Variants in TMBIM4 observed in about 807,000 individuals in gnomAD.
The protein encoded by TMBIM4 is transmembrane BAX inhibitor motif containing 4, also known as protein lifeguard 4.
A neutral mutation model predicts 27.7 loss-of-function variants in TMBIM4; 28 were observed. The observed-to-expected ratio is 1.01, with a 90% CI of 0.75 to 1.38. The LOEUF (loss-of-function observed/expected upper bound fraction) is 1.38. Among genes scored for constraint, TMBIM4 ranks in the 40% most tolerant of loss-of-function variants. TMBIM4 has a pLI of 0.00. For missense variants in TMBIM4, 265 were observed against 277.5 expected (o/e 0.95, Z 0.32); for synonymous variants, 115 against 113.1 (o/e 1.02, Z -0.11).
At chr12:66,160,444 T>TA (rs1332158539) in intron 1 of TMBIM4, 21 of 548,180 alleles carry the variant, frequency 3.8e-5, no homozygotes, top group South Asian at 1.0e-4. Context: ...TTTGAAGGAA[T>TA]AAAAAAAAGG....
intron 5 of TMBIM4, among the ~76,000 whole-genome samples, chr12:66,141,728 A>T (rs928002524): frequency 6.6e-6 from 1 of 152,206 alleles, no homozygotes; most frequent in Admixed American, 6.5e-5. Flanking sequence ...TGATATTACT[A>T]GAGCTAAAGA....
intron 2 of TMBIM4, 49 bp downstream of exon 2, chr12:66,153,291 G>A (rs767573945): frequency 9.1e-7 from 1 of 1,101,556 alleles, no homozygotes; most frequent in African/African-American, 1.6e-5. Flanking sequence ...ATGCCTTTTT[G>A]ATCATATGCA....
rs887201056 is a variant in TMBIM4 at position 66,150,223 on chromosome 12, C to CT, written c.312+2047dup. On this transcript the variant is annotated intron_variant, in intron 3 of 6. Transcript: ENST00000358230. ...GCGAAGAGGAATTCTATATGGCCGTCTTTTTTTTTATACTTCCTCTTTCCT... is the reference window on the plus strand; with the variant it reads ...GCGAAGAGGAATTCTATATGGCCGTCTTTTTTTTTTATACTTCCTCTTTCCT... Among the ~76,000 whole-genome samples the CT allele has an allele frequency of 4.6e-5, 7 of 151,344 alleles. No homozygotes were observed. The South Asian group carries it at 6.3e-4, about 14-fold the overall frequency.
At chr12:66,155,301 G>A (rs1238313695) in intron 1 of TMBIM4, among the ~76,000 whole-genome samples, 2 of 136,132 alleles carry the variant, frequency 1.5e-5, no homozygotes, top group Non-Finnish European at 3.3e-5. Flanking sequence ...GGGAATACAG[G>A]CCCACACCAG....
At chr12:66,161,145 C>T (rs1174208957) in intron 1 of TMBIM4, 1 of 152,286 alleles carries the variant, frequency 6.6e-6, no homozygotes, top group Non-Finnish European at 1.5e-5. Flanking sequence ...TTAGTAGCTT[C>T]ATGATTTGTT....
chr12:66,149,644 TAC>T (rs2051812937), intron 3 of TMBIM4, among the ~76,000 whole-genome samples: 1 of 152,012 alleles, frequency 6.6e-6, no homozygotes, highest in Non-Finnish European at 1.5e-5. Context: ...TTAAAACATA[TAC>T]ACACATGCTC....
At chr12:66,149,181 G>A (rs12230221) in intron 3 of TMBIM4, among the ~76,000 whole-genome samples, 13 of 152,082 alleles carry the variant, frequency 8.5e-5, no homozygotes, top group African/African-American at 2.4e-4. Context: ...TGGCTCAGAC[G>A]TGTAATCCCA....
Position 66,137,837 on chromosome 12 carries a change from AATC to A in TMBIM4, c.*120_*122del. ...ACAAATAAAGATTGTAACAGTATTT[AATC>A]ATTGTTTCAAACTTTATTACTTAAT... On this transcript the variant is annotated 3_prime_UTR_variant, in exon 7 of 7. Coordinates refer to ENST00000358230, the MANE Select transcript of TMBIM4 (RefSeq NM_016056.4). The A allele has an allele frequency of 1.4e-6, 1 of 695,190 alleles. No homozygotes were observed. The highest frequency in any genetic ancestry group is 1.9e-5 in the South Asian group (1 of 52,174). The allele number at this position is 695,190 out of a possible 1,614,324, so 43.1% of individuals were successfully genotyped here.
intron 4 of TMBIM4, 53 bp from the exon 5 acceptor site, chr12:66,146,011 C>G: frequency 1.0e-6 from 1 of 967,082 alleles, no homozygotes; most frequent in Non-Finnish European, 1.6e-6. Context: ...CAATACAAAA[C>G]AGCTTTTTCT....
intron 1 of TMBIM4, among the ~76,000 whole-genome samples, chr12:66,160,759 C>A (rs569720004): frequency 7.2e-5 from 11 of 152,236 alleles, no homozygotes; most frequent in African/African-American, 2.7e-4. Context: ...GGTTGCACAG[C>A]GGCCGAGCAG....
intron 1 of TMBIM4, among the ~76,000 whole-genome samples, chr12:66,156,763 C>A (rs1310847682): frequency 1.3e-5 from 2 of 152,186 alleles, no homozygotes; most frequent in Non-Finnish European, 2.9e-5. Flanking sequence ...CACTTTCCCG[C>A]TTCAGGGCCT....
chr12:66,143,682 T>G (rs1304964276), intron 5 of TMBIM4, among the ~76,000 whole-genome samples: 2 of 152,188 alleles, frequency 1.3e-5, no homozygotes, highest in Admixed American at 6.5e-5. Context: ...CTGCCACCAT[T>G]GCCTGATACT....
chr12:66,158,282 T>C (rs1046601187), intron 1 of TMBIM4, among the ~76,000 whole-genome samples: 1 of 141,430 alleles, frequency 7.1e-6, no homozygotes, highest in African/African-American at 2.6e-5. Flanking sequence ...ATCAAAAAAA[T>C]ACATAAAGAG....
chr12:66,165,217 T>G (rs529069105), intron 1 of TMBIM4, among the ~76,000 whole-genome samples: 24 of 152,182 alleles, frequency 1.6e-4, no homozygotes, highest in Non-Finnish European at 2.9e-4. Flanking sequence ...CATTCTAAAA[T>G]GTATATGGAA....
chr12:66,166,788 G>C (rs2052138456), intron 1 of TMBIM4, among the ~76,000 whole-genome samples: 1 of 152,194 alleles, frequency 6.6e-6, no homozygotes, highest in Non-Finnish European at 1.5e-5. Flanking sequence ...CAATTGTGCT[G>C]CTTGGTATTT....
At chr12:66,169,735 G>T (rs927577591) in intron 1 of TMBIM4, 120 bp downstream of exon 1, 26 of 741,212 alleles carry the variant, frequency 3.5e-5, no homozygotes, top group Admixed American at 8.0e-5. Context: ...CGGGAGCTCA[G>T]TGAGCACTCC....
chr12:66,158,532 G>A (rs1257076364), intron 1 of TMBIM4, among the ~76,000 whole-genome samples: 1 of 151,540 alleles, frequency 6.6e-6, no homozygotes, highest in African/African-American at 2.4e-5. Context: ...CCAGCTACTC[G>A]GGCTGAGGCA....
In TMBIM4 at chr12:66,147,929, C is replaced by A; in HGVS notation, c.325G>T (p.Ala109Ser). The A allele has an allele frequency of 6.2e-7, 1 of 1,611,478 alleles. No homozygotes were observed. Among genetic ancestry groups the A allele is most frequent in the Non-Finnish European group, 8.5e-7 (1 of 1,178,680 alleles). ...YLLFGFTLLEALTVAVVVTFY... is the reference protein window; with the variant it reads ...YLLFGFTLLESLTVAVVVTFY... The stretch of plus-strand genomic sequence containing the variant: ...TTACCAACAACTGCCACAGTCAGAG[C>A]TTCCAACAGCGTCTAATGAAAAGAA... The change falls in exon 4 of 7, where the codon GCT becomes TCT. Residue 109 changes from alanine (A) to serine (S), a missense_variant. Ala to Ser is a moderately conservative substitution (Grantham distance 99). Transcript: ENST00000358230.
At chr12:66,168,014 G>A (rs569943442) in intron 1 of TMBIM4, among the ~76,000 whole-genome samples, 1 of 152,238 alleles carries the variant, frequency 6.6e-6, no homozygotes, top group East Asian at 1.9e-4. Flanking sequence ...GAGTCCAGGA[G>A]TTCAAGATCG....
Sources: gnomAD v4.1 joint callset for allele counts (sites outside exome capture counted in the v4.1 genomes callset) on GRCh38, gnomAD v4.1.1 for gene constraint, MANE v1.5 for transcripts, NCBI Gene and HGNC (gene_info 2026-07-23, HGNC 2026-07-21) for gene names.